Variants in MEIS2 observed in about 807,000 individuals in gnomAD.
MEIS2 encodes homeobox protein Meis2.
Under a neutral mutation model 58.6 loss-of-function variants are expected in MEIS2, and 9 were observed. The observed-to-expected ratio is 0.15, with a 90% confidence interval of 0.09 to 0.27. MEIS2 has a LOEUF of 0.27. MEIS2 is among the 10% of genes least tolerant of loss of function. The probability of loss-of-function intolerance (pLI) is 1.00; values close to 1 mark genes in which losing one functional copy is unlikely to be tolerated. For missense variants in MEIS2, 427 were observed against 635.0 expected, an observed-to-expected ratio of 0.67 and a Z score of 3.52; for synonymous variants, 221 against 228.4, an observed-to-expected ratio of 0.97 and a Z score of 0.29.
chr15:36,924,450 T>C lies in MEIS2; in HGVS notation c.977+25874A>G, dbSNP rs561394523. Among the ~76,000 whole-genome samples, 50 of 152,226 alleles carry C rather than the reference T, an allele frequency of 3.3e-4. No homozygotes were observed. In the South Asian group the frequency reaches 0.01, roughly 32 times the overall value. On this transcript the variant is annotated intron_variant, in intron 9 of 11. Transcript: ENST00000561208. The stretch of plus-strand genomic sequence containing the variant: ...TCAGAAAAGAAAGCAGAGAAAACAA[T>C]AGAACCAAACCAAAGTTTAAAATTC...
At chr15:37,055,846 T>A (rs1308736500) in intron 7 of MEIS2, among the ~76,000 whole-genome samples, 1 of 152,224 alleles carries the variant, frequency 6.6e-6, no homozygotes, top group Non-Finnish European at 1.5e-5. Context: ...GTTATTTAGG[T>A]GCTGCGGAAG....
intron 8 of MEIS2, among the ~76,000 whole-genome samples, chr15:37,031,815 T>TTGTG (rs66770353): frequency 0.21 from 28,693 of 133,974 alleles, 3,167 homozygotes; most frequent in Admixed American, 0.33. Context: ...TTACATCACT[T>TTGTG]TGTGTGTGTG....
rs781319540 is a variant in MEIS2 at position 36,892,415 on chromosome 15, T to C, written c.1192A>G (p.Met398Val). The stretch of plus-strand genomic sequence containing the variant: ...CTTGGCTGTGCCATACTCATTCCCA[T>C]AGGACCACCCTGAGAAACGTAGTCC... ...PGDYVSQGGP[M>V]GMSMAQPSYT... The change falls in exon 12 of 12, where the codon ATG becomes GTG. Residue 398 changes from methionine to valine, a missense_variant. By Grantham distance (21) the Met-to-Val change is conservative. Coordinates refer to ENST00000561208, the MANE Select transcript of MEIS2 (RefSeq NM_170675.5). The C allele has an allele frequency of 9.9e-6, 16 of 1,613,212 alleles. No individual in the cohort carries two copies. Among genetic ancestry groups the C allele is most frequent in the African/African-American group, 1.3e-5 (1 of 74,682 alleles).
intron 7 of MEIS2, among the ~76,000 whole-genome samples, chr15:37,038,866 C>T (rs1201065595): frequency 3.9e-5 from 6 of 152,232 alleles, no homozygotes; most frequent in Non-Finnish European, 5.9e-5. Context: ...TGCAGGGACA[C>T]GTGCACACGC....
chr15:36,890,755 G>A lies in MEIS2; in HGVS notation c.*1418C>T, dbSNP rs904015765. ...TATCTGAAAGTATATATTTTTTAAC[G>A]TCATGCATCTAAAAAGGAGGTTGAG... On this transcript the variant is annotated 3_prime_UTR_variant, in exon 12 of 12. Coordinates refer to ENST00000561208, the MANE Select transcript of MEIS2 (RefSeq NM_170675.5). The A allele has an allele frequency of 1.3e-5, 2 of 152,072 alleles. No homozygotes were observed. Among genetic ancestry groups the A allele is most frequent in the African/African-American group, 2.4e-5 (1 of 41,416 alleles). The allele number at this position is 152,072 out of a possible 1,614,324, so 9.4% of individuals were successfully genotyped here.
intron 9 of MEIS2, among the ~76,000 whole-genome samples, chr15:36,910,278 G>A (rs1381955435): frequency 6.6e-6 from 1 of 152,168 alleles, no homozygotes; most frequent in African/African-American, 2.4e-5. Flanking sequence ...GCTCCCAAAT[G>A]TGCTCTGAGG....
intron 2 of MEIS2, among the ~76,000 whole-genome samples, chr15:37,097,098 C>A (rs569080700): frequency 6.6e-6 from 1 of 152,302 alleles, no homozygotes; most frequent in South Asian, 2.1e-4. Flanking sequence ...TTGCAGCAGA[C>A]AAAAATAAAT....
intron 9 of MEIS2, among the ~76,000 whole-genome samples, chr15:36,912,528 GA>G (rs2057079593): frequency 6.6e-6 from 1 of 152,166 alleles, no homozygotes; most frequent in African/African-American, 2.4e-5. Flanking sequence ...TACAATAAAG[GA>G]AGGAGGCAAG....
chr15:37,088,104 G>A (rs186031306), intron 6 of MEIS2, among the ~76,000 whole-genome samples: 1 of 152,274 alleles, frequency 6.6e-6, no homozygotes, highest in Admixed American at 6.5e-5. Context: ...CCAGTCAGGT[G>A]AACTTAAGCA....
intron 8 of MEIS2, among the ~76,000 whole-genome samples, chr15:36,959,600 G>A (rs979666209): frequency 6.6e-6 from 1 of 152,120 alleles, no homozygotes. Flanking sequence ...AAATGAGAAG[G>A]AAGATTTAGG....
At chr15:37,029,230 G>C (rs1026677003) in intron 8 of MEIS2, among the ~76,000 whole-genome samples, 2 of 152,316 alleles carry the variant, frequency 1.3e-5, no homozygotes, top group Admixed American at 6.5e-5. Flanking sequence ...ACTTTCAGCT[G>C]TGTGTTCTGC....
chr15:37,010,638 G>A (rs1018652910), intron 8 of MEIS2, among the ~76,000 whole-genome samples: 3 of 152,174 alleles, frequency 2.0e-5, no homozygotes, highest in Non-Finnish European at 4.4e-5. Flanking sequence ...ATCGGCCTCC[G>A]CCAGTGCTGG....
At chr15:37,098,696 T>C (rs1894706637) in intron 1 of MEIS2, among the ~76,000 whole-genome samples, 1 of 151,954 alleles carries the variant, frequency 6.6e-6, no homozygotes, top group African/African-American at 2.4e-5. Flanking sequence ...GGAGTTAGTG[T>C]GAGGAGGAAG....
intron 9 of MEIS2, among the ~76,000 whole-genome samples, chr15:36,947,007 G>A (rs933222919): frequency 2.6e-5 from 4 of 151,944 alleles, no homozygotes; most frequent in South Asian, 4.1e-4. Flanking sequence ...CTCCTAACGC[G>A]TGTACTTTGG....
At position 37,071,975 on chromosome 15, in the gene MEIS2, G is replaced by C. The variant is rs956170533; in HGVS notation, c.754+11796C>G. On this transcript the variant is annotated intron_variant, in intron 7 of 11. Transcript: ENST00000561208. ...TGGCAGGGAAAAAGAAAACTACCTC[G>C]ACTATGGTGCCTGCACTGAGGGAGA... Among the ~76,000 whole-genome samples the C allele has an allele frequency of 2.6e-5, 4 of 152,078 alleles. No individual in the cohort carries two copies. In the South Asian group the frequency reaches 8.3e-4, roughly 32 times the overall value.
At chr15:37,056,543 A>T (rs1888429350) in intron 7 of MEIS2, among the ~76,000 whole-genome samples, 1 of 152,234 alleles carries the variant, frequency 6.6e-6, no homozygotes. Context: ...TCGCCTGAGC[A>T]CCGGCTCGGC....
chr15:36,924,563 G>C (rs1890257014), intron 9 of MEIS2, among the ~76,000 whole-genome samples: 1 of 152,226 alleles, frequency 6.6e-6, no homozygotes, highest in South Asian at 2.1e-4. Flanking sequence ...AAGGGCGCCA[G>C]TGAGGACTGG....
intron 7 of MEIS2, chr15:37,066,461 A>G (rs1405532766): frequency 6.6e-6 from 1 of 152,182 alleles, no homozygotes; most frequent in East Asian, 1.9e-4. Flanking sequence ...TCCTCTTTCT[A>G]TCGTGACAGT....
At chr15:37,045,501 A>AT (rs1216469832) in intron 7 of MEIS2, among the ~76,000 whole-genome samples, 6 of 152,314 alleles carry the variant, frequency 3.9e-5, no homozygotes, top group African/African-American at 1.2e-4. Context: ...AAGAAGAAGA[A>AT]GAAGCTTTTG....
Sources: allele counts gnomAD v4.1 joint callset (sites outside exome capture counted in the v4.1 genomes callset), GRCh38; gene constraint gnomAD v4.1.1; transcripts MANE v1.5; gene names NCBI Gene and HGNC (gene_info 2026-07-23, HGNC 2026-07-21).